PRKAA1: variants seen among roughly 807,000 people sequenced by gnomAD.
The protein encoded by PRKAA1 is 5'-AMP-activated protein kinase catalytic subunit alpha-1.
Under a neutral mutation model 56.9 loss-of-function variants are expected in PRKAA1, and 23 were observed. That is an observed-to-expected ratio of 0.40 (90% CI 0.29 to 0.57). The LOEUF (loss-of-function observed/expected upper bound fraction) is 0.57, where lower values mean the gene tolerates loss of function less well. PRKAA1 is among the 20% of genes least tolerant of loss of function. The pLI is 0.39. For missense variants in PRKAA1, 413 were observed against 679.7 expected (o/e 0.61, Z 4.36); for synonymous variants, 226 against 227.0 (o/e 1.00, Z 0.04).
chr5:40,782,558 T>C (rs1744305052), intron 1 of PRKAA1, among the ~76,000 whole-genome samples: 1 of 152,138 alleles, frequency 6.6e-6, no homozygotes, highest in South Asian at 2.1e-4. Flanking sequence ...AAATGCATGA[T>C]TGTATTAGCA....
At chr5:40,784,785 A>C (rs1744402172) in intron 1 of PRKAA1, among the ~76,000 whole-genome samples, 1 of 152,212 alleles carries the variant, frequency 6.6e-6, no homozygotes, top group Admixed American at 6.5e-5. Flanking sequence ...AAACTGAGGC[A>C]CAGAAAGATG....
intron 1 of PRKAA1, among the ~76,000 whole-genome samples, chr5:40,781,004 AAAT>A (rs1744244642): frequency 6.6e-6 from 1 of 152,152 alleles, no homozygotes; most frequent in South Asian, 2.1e-4. Flanking sequence ...CTTAATTTCC[AAAT>A]AAATACAATA....
At chr5:40,773,973 G>C (rs150088440) in intron 3 of PRKAA1, among the ~76,000 whole-genome samples, 14 of 152,198 alleles carry the variant, frequency 9.2e-5, no homozygotes, top group Non-Finnish European at 1.5e-4. Context: ...TCAGCTCCTG[G>C]AGCACTGGCA....
chr5:40,781,497 G>A (rs1037878375), intron 1 of PRKAA1, among the ~76,000 whole-genome samples: 1 of 152,094 alleles, frequency 6.6e-6, no homozygotes, highest in Admixed American at 6.6e-5. Flanking sequence ...AGTAACATAT[G>A]GAGAAGGCCT....
At position 40,767,640 on chromosome 5, in the gene PRKAA1, T is replaced by G; in HGVS notation, c.647A>C (p.Tyr216Ser). The G allele has an allele frequency of 6.2e-7, 1 of 1,613,658 alleles. No individual in the cohort carries two copies. Among genetic ancestry groups the G allele is most frequent in the East Asian group, 2.2e-5 (1 of 44,840 alleles). ...VDIWSSGVIL[Y>S]ALLCGTLPFD... Reference sequence around the variant, plus strand: ...TGGAAGGGTTCCACATAATAAAGCATAGAGAATAACCCCACTGCTCCATAT... The same window carrying G: ...TGGAAGGGTTCCACATAATAAAGCAGAGAGAATAACCCCACTGCTCCATAT... The change falls in exon 6 of 9, where the codon TAT (tyrosine) becomes TCT (serine). Residue 216 changes from tyrosine to serine, a missense_variant. Coordinates refer to ENST00000397128, the MANE Select transcript of PRKAA1 (RefSeq NM_006251.6).
In PRKAA1 at chr5:40,760,764, T is replaced by C. The variant is rs1743151322; in HGVS notation, c.*2014A>G. ...CTAGAGTCACCATTTATGCAAGCTA[T>C]CATGACATTTGAGTTCATTATCATC... On this transcript the variant is annotated 3_prime_UTR_variant, in exon 9 of 9. Coordinates refer to ENST00000397128, the MANE Select transcript of PRKAA1 (RefSeq NM_006251.6). The C allele has an allele frequency of 6.5e-6, 1 of 152,848 alleles. No homozygotes were observed. Among genetic ancestry groups the C allele is most frequent in the Admixed American group, 6.5e-5 (1 of 15,296 alleles). 9.5% of individuals were successfully genotyped at this position (152,848 alleles called of 1,614,324 possible).
At chr5:40,767,988 T>C (rs1034646308) in intron 5 of PRKAA1, among the ~76,000 whole-genome samples, 4 of 151,430 alleles carry the variant, frequency 2.6e-5, no homozygotes, top group African/African-American at 9.7e-5. Flanking sequence ...TTAAAACCAT[T>C]GGTTTTTGTT....
chr5:40,763,781 G>A lies in PRKAA1; in HGVS notation c.1435+733C>T, dbSNP rs959882039. ...TACTATATGGACCTAAAGATAACCA[G>A]ACAAACTGGTTTGGCCAACATATCA... On this transcript the variant is annotated intron_variant, in intron 8 of 8. Transcript: ENST00000397128. 2.0e-5 allele frequency among the ~76,000 whole-genome samples: 3 copies of A among 152,266 alleles called. No homozygotes were observed. In the East Asian group the frequency reaches 5.8e-4, roughly 29 times the overall value.
At position 40,795,006 on chromosome 5, in the gene PRKAA1, T is replaced by TACACACACACACACACACACAC. The variant is rs1468122343; in HGVS notation, c.127+3056_127+3057insGTGTGTGTGTGTGTGTGTGTGT. On this transcript the variant is annotated intron_variant, in intron 1 of 8. Transcript: ENST00000397128. ...AAAGAAACTGTGGTGTATACATATA[T>TACACACACACACACACACACAC]ATACACACACACACACACACACACA... 6.4e-5 allele frequency among the ~76,000 whole-genome samples: 9 copies of TACACACACACACACACACACAC among 139,952 alleles called. No homozygotes were observed. The East Asian group carries it at 1.6e-3, about 25-fold the overall frequency. 91.8% of individuals were successfully genotyped at this position (139,952 alleles called of 152,430 possible). A position where few individuals can be genotyped will look rare whatever the true frequency, so the allele number is the denominator to read the frequency against.
chr5:40,774,386 AAATAAG>A (rs1215666535), intron 3 of PRKAA1, among the ~76,000 whole-genome samples: 5 of 152,186 alleles, frequency 3.3e-5, no homozygotes, highest in African/African-American at 4.8e-5. Flanking sequence ...AAATTTCAGA[AAATAAG>A]AAACTTTTGA....
At chr5:40,777,696 G>A (rs1385752730) in intron 1 of PRKAA1, 110 bp from the exon 2 acceptor site, 1 of 1,047,766 alleles carries the variant, frequency 9.5e-7, no homozygotes. Flanking sequence ...CACTTTGGGA[G>A]GCCGAGGCGA....
chr5:40,761,419 C>T lies in PRKAA1; in HGVS notation c.*1359G>A, dbSNP rs527574612. The T allele has an allele frequency of 6.6e-6, 1 of 152,040 alleles. No individual in the cohort carries two copies. The highest frequency in any genetic ancestry group is 6.6e-5 in the Admixed American group (1 of 15,260). 9.4% of individuals were successfully genotyped at this position (152,040 alleles called of 1,614,324 possible). A position where few individuals can be genotyped will look rare whatever the true frequency, so the allele number is the denominator to read the frequency against. On this transcript the variant is annotated 3_prime_UTR_variant, in exon 9 of 9. Coordinates refer to ENST00000397128, the MANE Select transcript of PRKAA1 (RefSeq NM_006251.6). ...TCCAAATGGTTCAGGGGGAAAAAAG[C>T]ATATATACATACACAAACAAACACA...
Position 40,764,886 on chromosome 5 carries a change from A to T in PRKAA1, c.1174T>A (p.Leu392Ile). The change falls in exon 7 of 9, where the codon TTA becomes ATA. Residue 392 changes from leucine to isoleucine, a missense_variant. Leu to Ile is a conservative substitution (Grantham distance 5, BLOSUM62 2). This residue lies in a region of PRKAA1 where 50 missense variants were observed against 87.7 expected (regional missense o/e 0.57). Coordinates refer to ENST00000397128, the MANE Select transcript of PRKAA1 (RefSeq NM_006251.6). Reference protein sequence around the residue: ...TPRARHTLDELNPQKSKHQGV... With the variant: ...TPRARHTLDEINPQKSKHQGV... Reference sequence around the variant, plus strand: ...TGGTGTTTGGATTTCTGTGGATTTAATTCATCAAGGGTATGGCGTGCCCTT... The same window carrying T: ...TGGTGTTTGGATTTCTGTGGATTTATTTCATCAAGGGTATGGCGTGCCCTT... The T allele has an allele frequency of 6.2e-7, 1 of 1,614,146 alleles. No homozygotes were observed. Among genetic ancestry groups the T allele is most frequent in the Middle Eastern group, 1.6e-4 (1 of 6,062 alleles).
At chr5:40,771,581 A>G in intron 4 of PRKAA1, 138 bp downstream of exon 4, 1 of 809,914 alleles carries the variant, frequency 1.2e-6, no homozygotes, top group Non-Finnish European at 1.8e-6. Context: ...ATCTTCATAG[A>G]CAAAACAGAA....
intron 1 of PRKAA1, among the ~76,000 whole-genome samples, chr5:40,786,401 A>T (rs1319775755): frequency 6.6e-6 from 1 of 152,104 alleles, no homozygotes; most frequent in Non-Finnish European, 1.5e-5. Context: ...CTGTTGCTGT[A>T]AGTCATTGAG....
intron 4 of PRKAA1, among the ~76,000 whole-genome samples, chr5:40,769,878 TAAAAAAAAAAA>T (rs3071208): frequency 1.4e-4 from 15 of 109,910 alleles, no homozygotes; most frequent in Admixed American, 6.9e-4. Context: ...TCTGATTCTT[TAAAAAAAAAAA>T]AAAAAAAAAA....
chr5:40,769,520 T>A lies in PRKAA1; in HGVS notation c.509-17A>T, dbSNP rs1579720039. ...TTGAAAGACCTGAAAGTGCACAAAA[T>A]CAGCTACTCAAAAGATTTCCCAAAG... On this transcript the variant is annotated splice_polypyrimidine_tract_variant and intron_variant, in intron 4 of 8. Coordinates refer to ENST00000397128, the MANE Select transcript of PRKAA1 (RefSeq NM_006251.6). 2.5e-6 allele frequency: 4 copies of A among 1,571,536 alleles called. 1 individual carries two copies. In the East Asian group the frequency reaches 9.0e-5, roughly 36 times the overall value.
intron 1 of PRKAA1, among the ~76,000 whole-genome samples, chr5:40,796,911 T>C (rs1460191925): frequency 2.0e-5 from 3 of 152,192 alleles, no homozygotes. Context: ...AGCCAATGCA[T>C]GAATTATTTT....
chr5:40,762,894 T>C lies in PRKAA1; in HGVS notation c.1564A>G (p.Thr522Ala). 1.2e-6 allele frequency: 2 copies of C among 1,614,194 alleles called. No individual in the cohort carries two copies. The highest frequency in any genetic ancestry group is 1.7e-6 in the Non-Finnish European group (2 of 1,180,036). ...GAGTCAAGTGAGGTCACAGATGAGG[T>C]AAGAGAAACTTCTGAGGATTTTCCT... ...AQGKSSEVSL[T>A]SSVTSLDSSP... Residue 522 changes from threonine (T) to alanine (A), a missense_variant, in exon 9 of 9, where the codon ACC (threonine) becomes GCC (alanine). Thr to Ala is a moderately conservative substitution (Grantham distance 58). Transcript: ENST00000397128.
Sources: allele counts gnomAD v4.1 joint callset (sites outside exome capture counted in the v4.1 genomes callset), GRCh38; gene constraint gnomAD v4.1.1; regional missense constraint gnomAD v4.1.1; transcripts MANE v1.5; gene names NCBI Gene and HGNC (gene_info 2026-07-23, HGNC 2026-07-21).